CDH3: variants seen among roughly 807,000 people sequenced by gnomAD.
CDH3 encodes cadherin-3.
A neutral mutation model predicts 82.0 loss-of-function variants in CDH3; 54 were observed. The ratio of observed to expected loss-of-function variants is 0.66; its 90% CI spans 0.53 to 0.83. The LOEUF (loss-of-function observed/expected upper bound fraction) is 0.83, where lower values mean the gene tolerates loss of function less well. CDH3 is among the 40% of genes least tolerant of loss of function. The pLI, the probability that CDH3 is intolerant of heterozygous loss-of-function variation, is 0.00. For synonymous variants in CDH3, 446 were observed against 437.9 expected (o/e 1.02, Z -0.23); for missense variants, 1,054 against 1,084.6 (o/e 0.97, Z 0.40).
chr16:68,724,240 A>G (rs1374464904), intron 2 of CDH3, among the ~76,000 whole-genome samples: 1 of 152,124 alleles, frequency 6.6e-6, no homozygotes, highest in East Asian at 1.9e-4. Flanking sequence ...GTCTCAAAAA[A>G]GTAAATAAAA....
chr16:68,733,417 C>T, the CDH3 span, among the ~76,000 whole-genome samples: 684 of 152,208 alleles, frequency 4.5e-3, 14 homozygotes, highest in East Asian at 0.071. Context: ...TTGTGAGCCA[C>T]CAGGCCTGCT....
intron 2 of CDH3, among the ~76,000 whole-genome samples, chr16:68,655,546 T>C (rs1041348806): frequency 1.3e-5 from 2 of 152,202 alleles, no homozygotes; most frequent in East Asian, 3.9e-4. Flanking sequence ...TATATGCATA[T>C]ATGAGATTGA....
intron 2 of CDH3, among the ~76,000 whole-genome samples, chr16:68,670,844 G>A (rs370057855): frequency 2.6e-5 from 4 of 152,116 alleles, no homozygotes; most frequent in African/African-American, 7.2e-5. Flanking sequence ...AGGCCAAAGC[G>A]GGTGGATCGC....
intron 2 of CDH3, among the ~76,000 whole-genome samples, chr16:68,724,696 G>A (rs1259238916): frequency 6.6e-6 from 1 of 151,794 alleles, no homozygotes; most frequent in African/African-American, 2.4e-5. Context: ...CACCTCCTGG[G>A]ATGTGATACA....
intron 1 of CDH3, among the ~76,000 whole-genome samples, chr16:68,709,647 C>G (rs562401947): frequency 6.6e-6 from 1 of 152,232 alleles, no homozygotes; most frequent in Admixed American, 6.5e-5. Context: ...TTAGTGGAGA[C>G]AAGGTTTCGC....
intron 12 of CDH3, among the ~76,000 whole-genome samples, chr16:68,689,126 A>C (rs760340271): frequency 2.6e-5 from 4 of 152,226 alleles, no homozygotes; most frequent in Non-Finnish European, 5.9e-5. Context: ...ATGTGACCTC[A>C]GGCTAGTTAC....
chr16:68,676,270 G>A (rs1370978243), intron 2 of CDH3, 115 bp from the exon 3 acceptor site: 13 of 753,946 alleles, frequency 1.7e-5, no homozygotes, highest in Non-Finnish European at 2.8e-5. Flanking sequence ...TCTCCCTTCT[G>A]CAGCCACTTA....
At chr16:68,655,966 T>G (rs1300796398) in intron 2 of CDH3, among the ~76,000 whole-genome samples, 1 of 152,184 alleles carries the variant, frequency 6.6e-6, no homozygotes, top group African/African-American at 2.4e-5. Flanking sequence ...GGAACTGATG[T>G]CCAAGCTGGC....
chr16:68,678,559 C>T lies in CDH3; in HGVS notation c.449C>T (p.Ala150Val). The stretch of plus-strand genomic sequence containing the variant: ...TTCTACAGCATCACGGGGCCGGGGG[C>T]AGACAGCCCCCCTGAGGGTGTCTTC... ...KIFYSITGPG[A>V]DSPPEGVFAV... The change falls in exon 5 of 16, where the codon GCA (alanine) becomes GTA (valine). Residue 150 changes from alanine to valine, a missense_variant. By Grantham distance (64) the Ala-to-Val change is moderately conservative. Coordinates refer to ENST00000264012, the MANE Select transcript of CDH3 (RefSeq NM_001793.6). The T allele has an allele frequency of 6.2e-7, 1 of 1,614,214 alleles. No individual in the cohort carries two copies. Among genetic ancestry groups the T allele is most frequent in the African/African-American group, 1.3e-5 (1 of 75,068 alleles).
chr16:68,698,805 G>A lies in CDH3; in HGVS notation c.*405G>A, dbSNP rs778268579. The A allele has an allele frequency of 1.4e-4, 26 of 189,514 alleles. No individual in the cohort carries two copies. The highest frequency in any genetic ancestry group is 4.5e-4 in the African/African-American group (19 of 42,026). 11.7% of individuals were successfully genotyped at this position (189,514 alleles called of 1,614,324 possible). A position where few individuals can be genotyped will look rare whatever the true frequency, so the allele number is the denominator to read the frequency against. ...TTTTTTTTAATGCTATCTTCAAAAC[G>A]TTAGAGAAAGTTCTTCAAAAGTGCA... On this transcript the variant is annotated 3_prime_UTR_variant, in exon 16 of 16. Coordinates refer to ENST00000264012, the MANE Select transcript of CDH3 (RefSeq NM_001793.6).
intron 13 of CDH3, among the ~76,000 whole-genome samples, 161 bp from the exon 14 acceptor site, chr16:68,695,094 A>G (rs200786049): frequency 7.2e-5 from 11 of 152,158 alleles, no homozygotes; most frequent in Non-Finnish European, 1.3e-4. Flanking sequence ...CAGCCTTGAT[A>G]AAGAGTTGAA....
intron 7 of CDH3, 83 bp from the exon 8 acceptor site, chr16:68,680,885 C>T: frequency 1.3e-6 from 2 of 1,485,350 alleles, no homozygotes; most frequent in Non-Finnish European, 1.9e-6. Context: ...TCCACACACC[C>T]ATGAGCCAGT....
rs2152102729 is a variant in CDH3 at position 68,684,825 on chromosome 16, G to C, written c.1424+1G>C. 1 of 1,614,132 alleles carries C rather than the reference G, an allele frequency of 6.2e-7. No homozygotes were observed. Among genetic ancestry groups the C allele is most frequent in the Non-Finnish European group, 8.5e-7 (1 of 1,180,028 alleles). ...CTGACAAGGAGAATCAAAAGATCAGGTACTCAGGAGCTGGGCTCAGTAAGC... is the reference window on the plus strand; with the variant it reads ...CTGACAAGGAGAATCAAAAGATCAGCTACTCAGGAGCTGGGCTCAGTAAGC... On this transcript the variant is annotated splice_donor_variant, in intron 10 of 15. Transcript: ENST00000264012. LOFTEE classifies it high-confidence loss of function.
At chr16:68,647,032 T>C (rs1271340870) in intron 2 of CDH3, among the ~76,000 whole-genome samples, 1 of 152,122 alleles carries the variant, frequency 6.6e-6, no homozygotes, top group East Asian at 1.9e-4. Context: ...ACACCCAGGC[T>C]AGGCTAGGCT....
chr16:68,709,259 A>G (rs1396766425), intron 1 of CDH3, among the ~76,000 whole-genome samples: 1 of 152,046 alleles, frequency 6.6e-6, no homozygotes, highest in East Asian at 1.9e-4. Context: ...GTTTTTGGTA[A>G]GGAAGGGGTC....
Position 68,678,644 on chromosome 16 carries a change from T to G in CDH3, c.534T>G (p.Ile178Met). Residue 178 changes from isoleucine to methionine, a missense_variant, in exon 5 of 16, where the codon ATT becomes ATG. By Grantham distance (10) the Ile-to-Met change is conservative. Coordinates refer to ENST00000264012, the MANE Select transcript of CDH3 (RefSeq NM_001793.6). ...LLNKPLDREE[I>M]AKYELFGHAV... is the part of the protein sequence containing the mutation. ...ATAAGCCACTGGACCGGGAGGAGATTGCCAAGTATGAGGCAAGTAGCCTTT... is the reference window on the plus strand; with the variant it reads ...ATAAGCCACTGGACCGGGAGGAGATGGCCAAGTATGAGGCAAGTAGCCTTT... The G allele has an allele frequency of 1.9e-6, 3 of 1,614,228 alleles. No individual in the cohort carries two copies. The highest frequency in any genetic ancestry group is 2.5e-6 in the Non-Finnish European group (3 of 1,180,042).
intron 2 of CDH3, among the ~76,000 whole-genome samples, chr16:68,667,796 A>G (rs767075594): frequency 1.3e-5 from 2 of 152,206 alleles, no homozygotes; most frequent in African/African-American, 2.4e-5. Context: ...GATGATCTTT[A>G]GAGAGGAGCT....
At position 68,699,484 on chromosome 16, in the gene CDH3, A is replaced by AT. The variant is rs34099768; in HGVS notation, c.*1101dup. On this transcript the variant is annotated 3_prime_UTR_variant, in exon 16 of 16. Transcript: ENST00000264012. Reference sequence around the variant, plus strand: ...AGCCAGCTCTGCTACTTGCTAGCACATTTTTTTTTTTTTTTTTGAGACGGA... The same window carrying AT: ...AGCCAGCTCTGCTACTTGCTAGCACATTTTTTTTTTTTTTTTTTGAGACGGA... The AT allele has an allele frequency of 0.34, 47,991 of 139,876 alleles. 9,111 individuals carry two copies. The highest frequency in any genetic ancestry group is 0.42 in the Non-Finnish European group (27,075 of 65,126). 8.7% of individuals were successfully genotyped at this position (139,876 alleles called of 1,614,324 possible). A position where few individuals can be genotyped will look rare whatever the true frequency, so the allele number is the denominator to read the frequency against.
At chr16:68,718,582 T>C (rs2152110964) in intron 1 of CDH3, among the ~76,000 whole-genome samples, 1 of 152,138 alleles carries the variant, frequency 6.6e-6, no homozygotes, top group Non-Finnish European at 1.5e-5. Flanking sequence ...CTCGGGAGGC[T>C]GAGACAACAA....
Sources: gnomAD v4.1 joint callset for allele counts (sites outside exome capture counted in the v4.1 genomes callset) on GRCh38, gnomAD v4.1.1 for gene constraint, MANE v1.5 for transcripts, NCBI Gene and HGNC (gene_info 2026-07-23, HGNC 2026-07-21) for gene names.